The following GARNL3 variants were observed in gnomAD, a reference collection of about 807,000 sequenced individuals.
GARNL3 encodes GTPase activating Rap/RanGAP domain like 3, also known as GTPase-activating Rap/Ran-GAP domain-like protein 3.
GARNL3 carries 63 observed loss-of-function variants against 125.0 expected under a neutral mutation model. The observed-to-expected ratio is 0.50, with a 90% CI of 0.41 to 0.62. The LOEUF is 0.62. Among genes scored for constraint, GARNL3 ranks in the 20% least tolerant of loss-of-function variants. The pLI is 0.00. For missense variants in GARNL3, 994 were observed against 1,244.0 expected, an observed-to-expected ratio of 0.80 and a Z score of 3.02; for synonymous variants, 439 against 457.5, an observed-to-expected ratio of 0.96 and a Z score of 0.52.
intron 5 of GARNL3, among the ~76,000 whole-genome samples, chr9:127,318,681 A>C (rs112142868): frequency 6.6e-6 from 1 of 150,640 alleles, no homozygotes; most frequent in African/African-American, 2.4e-5. Context: ...CCTCCCTCTC[A>C]TCTCTCTCCC....
chr9:127,377,522 C>G (rs889999064), intron 22 of GARNL3, among the ~76,000 whole-genome samples: 2 of 152,156 alleles, frequency 1.3e-5, no homozygotes, highest in African/African-American at 2.4e-5. Flanking sequence ...AGGGGTGGCT[C>G]ACACCCGTAA....
chr9:127,383,387 C>T, intron 22 of GARNL3, 51 bp from the exon 23 acceptor site: 1 of 1,110,786 alleles, frequency 9.0e-7, no homozygotes, highest in South Asian at 1.3e-5. Context: ...TAATTACAGT[C>T]ATCTAAGTGT....
chr9:127,309,487 C>T (rs552521377), intron 2 of GARNL3, among the ~76,000 whole-genome samples: 135 of 152,292 alleles, frequency 8.9e-4, no homozygotes, highest in South Asian at 6.0e-3. Context: ...TATAAGGTAA[C>T]ATAACCCTGA....
At chr9:127,328,995 GC>G (rs1378299642) in intron 7 of GARNL3, among the ~76,000 whole-genome samples, 4 of 152,162 alleles carry the variant, frequency 2.6e-5, no homozygotes, top group Non-Finnish European at 5.9e-5. Flanking sequence ...CCCAGGTCTG[GC>G]CTTGAGACCT....
chr9:127,342,016 A>G (rs1333393578), intron 13 of GARNL3, among the ~76,000 whole-genome samples: 1 of 152,184 alleles, frequency 6.6e-6, no homozygotes, highest in Non-Finnish European at 1.5e-5. Context: ...TGGCATTTCA[A>G]CAAAAATCTT....
intron 1 of GARNL3, among the ~76,000 whole-genome samples, chr9:127,231,238 T>TTC (rs1377857219): frequency 1.4e-5 from 2 of 139,662 alleles, no homozygotes; most frequent in Non-Finnish European, 3.1e-5. Flanking sequence ...GTTTTTTTTT[T>TTC]TTTTTTTGTA....
intron 22 of GARNL3, among the ~76,000 whole-genome samples, chr9:127,368,413 CT>C (rs1465765009): frequency 6.6e-6 from 1 of 151,324 alleles, no homozygotes; most frequent in African/African-American, 2.4e-5. Context: ...TCACTGCAAC[CT>C]CTGCCTCCCA....
chr9:127,354,456 T>C lies in GARNL3; in HGVS notation c.1759+46T>C, dbSNP rs764205708. 2.1e-5 allele frequency: 24 copies of C among 1,135,132 alleles called. 1 individual carries two copies. The highest frequency in any genetic ancestry group is 6.2e-5 in the Admixed American group (3 of 48,614). 70.3% of individuals were successfully genotyped at this position (1,135,132 alleles called of 1,614,324 possible). Reference sequence around the variant, plus strand: ...ATTCCATTCGATTCGTTTTTTTTTTTCCTCAGGCTGCCCAGGTTTTACTGA... The same window carrying C: ...ATTCCATTCGATTCGTTTTTTTTTTCCCTCAGGCTGCCCAGGTTTTACTGA... On this transcript the variant is annotated intron_variant, in intron 19 of 27. Transcript: ENST00000373387.
At chr9:127,300,087 A>G in intron 2 of GARNL3, 1 of 316,170 alleles carries the variant, frequency 3.2e-6, no homozygotes, top group Admixed American at 3.5e-5. Flanking sequence ...CAGATTTTCA[A>G]AATCACTTCT....
intron 1 of GARNL3, among the ~76,000 whole-genome samples, chr9:127,265,279 A>G (rs1173598440): frequency 6.6e-6 from 1 of 152,216 alleles, no homozygotes; most frequent in Non-Finnish European, 1.5e-5. Context: ...TTCTCTGTGT[A>G]TATAATTAAA....
In GARNL3 at chr9:127,331,720, C is replaced by CTTTTTTTTTTTTTTTTTTT. The variant is rs60448026; in HGVS notation, c.595-539_595-538insTTTTTTTTTTTTTTTTTTT. On this transcript the variant is annotated intron_variant, in intron 7 of 27. Transcript: ENST00000373387. ...CTACTGCTTGCTTGGCTTGGGCTTG[C>CTTTTTTTTTTTTTTTTTTT]TTTTTTTTTTTTTTTCACATCTGTT... Among the ~76,000 whole-genome samples the CTTTTTTTTTTTTTTTTTTT allele has an allele frequency of 7.1e-4, 53 of 74,390 alleles. 2 individuals are homozygous for CTTTTTTTTTTTTTTTTTTT. The highest frequency in any genetic ancestry group is 9.7e-4 in the Admixed American group (5 of 5,166). The allele number at this position is 74,390 out of a possible 152,430, so 48.8% of individuals were successfully genotyped here.
At chr9:127,335,794 T>C (rs1829520214) in intron 10 of GARNL3, among the ~76,000 whole-genome samples, 1 of 152,124 alleles carries the variant, frequency 6.6e-6, no homozygotes, top group Admixed American at 6.5e-5. Flanking sequence ...TCATAAGTGG[T>C]CCTGTGTGAT....
chr9:127,381,464 G>T (rs1175804302), intron 22 of GARNL3, among the ~76,000 whole-genome samples: 3 of 151,892 alleles, frequency 2.0e-5, no homozygotes, highest in African/African-American at 7.3e-5. Flanking sequence ...CAAGATACTG[G>T]TCCTACATGT....
chr9:127,393,206 C>T lies in GARNL3; in HGVS notation c.2994C>T (p.Pro998=), dbSNP rs779061979. Residue 998 remains proline, a synonymous_variant, in exon 28 of 28, where the codon CCC becomes CCT. Coordinates refer to ENST00000373387, the MANE Select transcript of GARNL3 (RefSeq NM_032293.5). ...GCAGCCCGGTCTCCGGCAGCAGCCC[C>T]TTCCAGCTCACGGCTTTCTCCGATG... The part of the protein sequence containing the change: ...REGSPVSGSS[P]FQLTAFSDED... The T allele has an allele frequency of 2.5e-6, 4 of 1,613,696 alleles. No homozygotes were observed. Among genetic ancestry groups the T allele is most frequent in the East Asian group, 2.2e-5 (1 of 44,868 alleles).
At chr9:127,239,111 T>A (rs757990387) in intron 1 of GARNL3, among the ~76,000 whole-genome samples, 14 of 152,212 alleles carry the variant, frequency 9.2e-5, no homozygotes, top group Non-Finnish European at 2.1e-4. Context: ...TTCCCTTGAA[T>A]TTCCAGCCTT....
intron 2 of GARNL3, among the ~76,000 whole-genome samples, chr9:127,256,534 A>G (rs2063498251): frequency 6.6e-6 from 1 of 152,132 alleles, no homozygotes; most frequent in Non-Finnish European, 1.5e-5. Flanking sequence ...TTCCCACTGC[A>G]CTGTAAGCTG....
At chr9:127,247,848 G>T (rs1462118176) in intron 2 of GARNL3, among the ~76,000 whole-genome samples, 1 of 152,058 alleles carries the variant, frequency 6.6e-6, no homozygotes, top group African/African-American at 2.4e-5. Context: ...TCACCTTGTT[G>T]TGCTAGCAAA....
intron 24 of GARNL3, 135 bp from the exon 25 acceptor site, chr9:127,387,058 C>T: frequency 1.2e-6 from 1 of 832,056 alleles, no homozygotes; most frequent in Non-Finnish European, 1.8e-6. Flanking sequence ...CCATCCCTCG[C>T]CCCGGCATCC....
At chr9:127,318,244 G>T in intron 5 of GARNL3, 117 bp downstream of exon 5, 1 of 757,610 alleles carries the variant, frequency 1.3e-6, no homozygotes, top group Non-Finnish European at 2.4e-6. Flanking sequence ...CTGTGTGTAA[G>T]ATGTTTTGCT....
Sources: allele counts gnomAD v4.1 joint callset (sites outside exome capture counted in the v4.1 genomes callset), GRCh38; gene constraint gnomAD v4.1.1; transcripts MANE v1.5; gene names NCBI Gene and HGNC (gene_info 2026-07-23, HGNC 2026-07-21).